The following MSRA variants were observed in gnomAD, a reference collection of about 807,000 sequenced individuals.
MSRA encodes methionine sulfoxide reductase A.
In MSRA, 54 loss-of-function variants were observed where a neutral mutation model predicts 31.3. That is an observed-to-expected ratio of 1.73 (90% confidence interval 1.39 to 2.17). The LOEUF is 2.17. Among genes scored for constraint, MSRA ranks in the 30% most tolerant of loss-of-function variants. The pLI, the probability that MSRA is intolerant of heterozygous loss-of-function variation, is 0.00. For missense variants in MSRA, 507 were observed against 300.9 expected (o/e 1.69, Z -5.07); for synonymous variants, 169 against 116.5 (o/e 1.45, Z -2.90).
intron 1 of MSRA, among the ~76,000 whole-genome samples, chr8:10,160,001 A>C (rs1804496989): frequency 6.6e-6 from 1 of 151,984 alleles, no homozygotes; most frequent in African/African-American, 2.4e-5. Flanking sequence ...TCTTTAAAAA[A>C]CCCTTTAGAA....
chr8:10,400,625 C>G (rs1172920003), intron 5 of MSRA, among the ~76,000 whole-genome samples: 1 of 152,070 alleles, frequency 6.6e-6, no homozygotes, highest in East Asian at 1.9e-4. Context: ...AGGCTGTTAG[C>G]CTCTCAGGGG....
chr8:10,343,486 T>G (rs1423288384), intron 5 of MSRA, among the ~76,000 whole-genome samples: 1 of 152,218 alleles, frequency 6.6e-6, no homozygotes, highest in Admixed American at 6.5e-5. Flanking sequence ...GTTTTCTTTT[T>G]CTTGTTTTTC....
intron 5 of MSRA, among the ~76,000 whole-genome samples, chr8:10,424,125 G>A (rs76146826): frequency 0.028 from 4,268 of 152,304 alleles, 125 homozygotes; most frequent in Middle Eastern, 0.11. Context: ...TCATAGAGGT[G>A]GGGACATTTG....
chr8:10,366,564 C>CTGGTT (rs1805178404), intron 5 of MSRA, among the ~76,000 whole-genome samples: 1 of 152,176 alleles, frequency 6.6e-6, no homozygotes, highest in Non-Finnish European at 1.5e-5. Flanking sequence ...ATCTTTTGGT[C>CTGGTT]TGGTTTGGTT....
In MSRA at chr8:10,391,523, A is replaced by G. The variant is rs556933914; in HGVS notation, c.544-36625A>G. On this transcript the variant is annotated intron_variant, in intron 5 of 5. Coordinates refer to ENST00000317173, the MANE Select transcript of MSRA (RefSeq NM_012331.5). ...ACTATGAAAATATTGTTCATCACTT[A>G]TGGATAACTGTGGGCATTTTACTAC... 2.0e-5 allele frequency among the ~76,000 whole-genome samples: 3 copies of G among 152,326 alleles called. No homozygotes were observed. The South Asian group carries it at 6.2e-4, about 32-fold the overall frequency.
At chr8:10,148,396 C>G (rs1043637826) in intron 1 of MSRA, among the ~76,000 whole-genome samples, 1 of 151,512 alleles carries the variant, frequency 6.6e-6, no homozygotes, top group African/African-American at 2.4e-5. Flanking sequence ...GCCTGTAATC[C>G]CAGCACTTTG....
At chr8:10,215,196 A>T (rs1037508987) in intron 2 of MSRA, among the ~76,000 whole-genome samples, 10 of 152,210 alleles carry the variant, frequency 6.6e-5, no homozygotes, top group African/African-American at 2.4e-4. Context: ...GTAAGTAAGA[A>T]CCAGAAAGTG....
At chr8:10,267,238 G>A (rs1292594478) in intron 3 of MSRA, among the ~76,000 whole-genome samples, 2 of 152,192 alleles carry the variant, frequency 1.3e-5, no homozygotes, top group Admixed American at 6.5e-5. Context: ...GTCTCTGGAC[G>A]GCTATCCCAA....
chr8:10,379,159 A>G (rs1020170672), intron 5 of MSRA, among the ~76,000 whole-genome samples: 2 of 152,188 alleles, frequency 1.3e-5, no homozygotes, highest in Admixed American at 1.3e-4. Flanking sequence ...CCTGTCCATA[A>G]GCATTTGGTG....
At chr8:10,105,306 A>T (rs1200230042) in intron 1 of MSRA, among the ~76,000 whole-genome samples, 1 of 152,184 alleles carries the variant, frequency 6.6e-6, no homozygotes, top group African/African-American at 2.4e-5. Flanking sequence ...GTAATAATAC[A>T]TGCTTACAAT....
At chr8:10,222,242 A>G (rs1254220013) in intron 2 of MSRA, among the ~76,000 whole-genome samples, 4 of 152,190 alleles carry the variant, frequency 2.6e-5, no homozygotes, top group Non-Finnish European at 5.9e-5. Flanking sequence ...AAAAAGCTTT[A>G]GGCCTTTATA....
intron 1 of MSRA, among the ~76,000 whole-genome samples, chr8:10,105,687 C>T (rs1427834694): frequency 6.6e-6 from 1 of 152,074 alleles, no homozygotes; most frequent in Non-Finnish European, 1.5e-5. Context: ...TTCTCCTTCC[C>T]CTAACCAGTA....
chr8:10,250,697 G>T, intron 3 of MSRA: 1 of 544,012 alleles, frequency 1.8e-6, no homozygotes, highest in African/African-American at 1.9e-5. Context: ...CTCTGGGGGT[G>T]GTGATGGAAC....
chr8:10,269,108 A>G (rs1798895679), intron 3 of MSRA, among the ~76,000 whole-genome samples: 1 of 152,140 alleles, frequency 6.6e-6, no homozygotes, highest in African/African-American at 2.4e-5. Flanking sequence ...AGTTCTAGCC[A>G]ATGTCGATGG....
At chr8:10,266,220 G>A (rs1384057326) in intron 3 of MSRA, among the ~76,000 whole-genome samples, 7 of 152,176 alleles carry the variant, frequency 4.6e-5, no homozygotes, top group African/African-American at 1.4e-4. Flanking sequence ...AGCAGTGTAC[G>A]AGGGTTCCAG....
intron 5 of MSRA, among the ~76,000 whole-genome samples, chr8:10,427,679 G>A (rs1168893180): frequency 2.0e-5 from 3 of 152,164 alleles, no homozygotes; most frequent in Non-Finnish European, 4.4e-5. Context: ...TAGAGCTGCA[G>A]CCATTCTGTC....
intron 5 of MSRA, chr8:10,337,874 CA>C (rs1803155958): frequency 2.9e-6 from 2 of 695,982 alleles, no homozygotes; most frequent in Non-Finnish European, 2.6e-6. Context: ...GTGGTCCTCA[CA>C]AATGCACACA....
chr8:10,264,529 C>T (rs1798645141), intron 3 of MSRA, among the ~76,000 whole-genome samples: 1 of 152,174 alleles, frequency 6.6e-6, no homozygotes, highest in Non-Finnish European at 1.5e-5. Flanking sequence ...AAAGCCAGTG[C>T]TGCCAGGCAA....
At chr8:10,175,312 C>T (rs1242203261) in intron 1 of MSRA, among the ~76,000 whole-genome samples, 1 of 152,202 alleles carries the variant, frequency 6.6e-6, no homozygotes, top group Admixed American at 6.5e-5. Context: ...ACCGTATATG[C>T]TCAGTGTTCC....
Sources: gnomAD v4.1 joint callset for allele counts (sites outside exome capture counted in the v4.1 genomes callset) on GRCh38, gnomAD v4.1.1 for gene constraint, MANE v1.5 for transcripts, NCBI Gene and HGNC (gene_info 2026-07-23, HGNC 2026-07-21) for gene names.